KAZN: variants seen among roughly 807,000 people sequenced by gnomAD.
KAZN encodes kazrin.
KAZN carries 40 observed loss-of-function variants against 87.4 expected under a neutral mutation model. The ratio of observed to expected loss-of-function variants is 0.46; its 90% CI spans 0.36 to 0.60. KAZN has a LOEUF of 0.60. Ranked by LOEUF, KAZN falls within the 20% of genes least tolerant of loss-of-function variation. The pLI is 0.00. For synonymous variants in KAZN, 466 were observed against 458.3 expected (o/e 1.02, Z -0.22); for missense variants, 898 against 1,073.9 (o/e 0.84, Z 2.29).
At chr1:14,849,208 G>A (rs1277401547) in intron 1 of KAZN, among the ~76,000 whole-genome samples, 1 of 152,144 alleles carries the variant, frequency 6.6e-6, no homozygotes, top group Non-Finnish European at 1.5e-5. Context: ...GTGCACACTG[G>A]GTGTCATGAA....
At chr1:14,165,609 CA>C (rs1395037737) in intron 1 of KAZN, among the ~76,000 whole-genome samples, 1 of 152,160 alleles carries the variant, frequency 6.6e-6, no homozygotes, top group Non-Finnish European at 1.5e-5. Flanking sequence ...GCCTCCAAAG[CA>C]AAGGAAGCTG....
At chr1:13,969,863 A>G (rs1489593327) in intron 1 of KAZN, among the ~76,000 whole-genome samples, 1 of 152,192 alleles carries the variant, frequency 6.6e-6, no homozygotes, top group African/African-American at 2.4e-5. Context: ...TTTGAATTCA[A>G]CTATAGAGAC....
At chr1:14,963,796 A>G (rs1460080833) in intron 2 of KAZN, among the ~76,000 whole-genome samples, 1 of 150,230 alleles carries the variant, frequency 6.7e-6, no homozygotes, top group Non-Finnish European at 1.5e-5. Context: ...CTACTGCCCA[A>G]CAGGCCCCAG....
chr1:15,002,663 C>A (rs530358996), intron 2 of KAZN, among the ~76,000 whole-genome samples: 34 of 152,206 alleles, frequency 2.2e-4, no homozygotes, highest in African/African-American at 7.9e-4. Context: ...AATATTAAAT[C>A]TTTTATTCCT....
intron 1 of KAZN, among the ~76,000 whole-genome samples, chr1:14,106,730 G>T (rs1227973151): frequency 1.3e-5 from 2 of 152,132 alleles, no homozygotes; most frequent in Non-Finnish European, 2.9e-5. Flanking sequence ...GCCCAAACGC[G>T]TCTCTATTCA....
intron 2 of KAZN, among the ~76,000 whole-genome samples, chr1:14,319,526 G>C (rs963005134): frequency 6.6e-5 from 10 of 152,226 alleles, no homozygotes; most frequent in Middle Eastern, 3.4e-3. Flanking sequence ...CCGATTCTCG[G>C]GCTCTTTTTC....
intron 2 of KAZN, among the ~76,000 whole-genome samples, chr1:14,352,660 G>A (rs1658645784): frequency 6.6e-6 from 1 of 151,994 alleles, no homozygotes. Flanking sequence ...AGTCACGTGA[G>A]AGAAAAAAAG....
At chr1:15,029,533 C>T (rs16851164) in intron 2 of KAZN, among the ~76,000 whole-genome samples, 3,390 of 152,184 alleles carry the variant, frequency 0.022, 126 homozygotes, top group African/African-American at 0.078. Flanking sequence ...CTTGGACTGC[C>T]GGATAAATGA....
chr1:14,416,807 C>T (rs112360285), intron 2 of KAZN, among the ~76,000 whole-genome samples: 2,582 of 151,888 alleles, frequency 0.017, 64 homozygotes, highest in African/African-American at 0.057. Flanking sequence ...AAAAACCCAG[C>T]TGCATGTGGT....
chr1:14,392,676 G>C (rs1662553327), intron 2 of KAZN, among the ~76,000 whole-genome samples: 1 of 152,112 alleles, frequency 6.6e-6, no homozygotes, highest in Non-Finnish European at 1.5e-5. Context: ...CTAGATGCCA[G>C]TAGCACACCT....
chr1:14,353,799 A>G (rs895434588), intron 2 of KAZN, among the ~76,000 whole-genome samples: 2 of 152,218 alleles, frequency 1.3e-5, no homozygotes, highest in African/African-American at 4.8e-5. Context: ...AAGTATAAAG[A>G]TATGCCATCT....
intron 1 of KAZN, among the ~76,000 whole-genome samples, chr1:14,823,688 G>A (rs1483549925): frequency 6.6e-6 from 1 of 152,148 alleles, no homozygotes. Flanking sequence ...GGGAGTGGGA[G>A]GGACAGATCG....
At chr1:14,653,013 C>T (rs149298320) in intron 1 of KAZN, among the ~76,000 whole-genome samples, 194 of 152,154 alleles carry the variant, frequency 1.3e-3, no homozygotes, top group African/African-American at 4.4e-3. Context: ...CTGCTGACTC[C>T]GGGATAAATA....
At chr1:14,412,308 G>A (rs1571565534) in intron 2 of KAZN, among the ~76,000 whole-genome samples, 2 of 152,054 alleles carry the variant, frequency 1.3e-5, no homozygotes, top group East Asian at 1.9e-4. Context: ...GCTTTTATAA[G>A]AACAACCAAA....
rs567525919 is a variant in KAZN, at chr1:14,828,373, T to C, written c.227-132311T>C. Among the ~76,000 whole-genome samples the C allele has an allele frequency of 2.6e-5, 4 of 152,360 alleles. 1 individual carries two copies. The South Asian group carries it at 6.2e-4, about 24-fold the overall frequency. Reference sequence around the variant, plus strand: ...TATTTGAGTATAAACAATAAATATGTTGCAAATTATTAATGGAAAACCGTG... The same window carrying C: ...TATTTGAGTATAAACAATAAATATGCTGCAAATTATTAATGGAAAACCGTG... On this transcript the variant is annotated intron_variant, in intron 1 of 14. Coordinates refer to ENST00000376030, the MANE Select transcript of KAZN (RefSeq NM_201628.3).
At chr1:14,292,120 T>C (rs921807808) in intron 2 of KAZN, among the ~76,000 whole-genome samples, 1 of 152,210 alleles carries the variant, frequency 6.6e-6, no homozygotes, top group South Asian at 2.1e-4. Flanking sequence ...TGATGACTTA[T>C]AGTATGTTGT....
intron 1 of KAZN, among the ~76,000 whole-genome samples, chr1:14,831,607 G>T (rs1041469598): frequency 6.6e-6 from 1 of 152,214 alleles, no homozygotes; most frequent in African/African-American, 2.4e-5. Context: ...ACACAGCACT[G>T]CTTATTAGTG....
At chr1:14,659,375 T>C (rs942960936) in intron 1 of KAZN, among the ~76,000 whole-genome samples, 1 of 152,046 alleles carries the variant, frequency 6.6e-6, no homozygotes, top group Non-Finnish European at 1.5e-5. Context: ...CTTTTAACCT[T>C]AATGAAATCT....
chr1:14,963,031 G>C (rs1007662610), intron 2 of KAZN, among the ~76,000 whole-genome samples: 1 of 150,670 alleles, frequency 6.6e-6, no homozygotes, highest in Non-Finnish European at 1.5e-5. Context: ...GTAATGTCTG[G>C]AAAGGTGATA....
Sources: allele counts gnomAD v4.1 joint callset (sites outside exome capture counted in the v4.1 genomes callset), GRCh38; gene constraint gnomAD v4.1.1; transcripts MANE v1.5; gene names NCBI Gene and HGNC (gene_info 2026-07-23, HGNC 2026-07-21).